CAMTA1: variants seen among roughly 807,000 people sequenced by gnomAD.
The protein encoded by CAMTA1 is calmodulin binding transcription activator 1, also known as calmodulin-binding transcription activator 1.
Under a neutral mutation model 170.9 loss-of-function variants are expected in CAMTA1, and 27 were observed. The observed-to-expected ratio is 0.16, with a 90% CI of 0.12 to 0.22. CAMTA1 has a LOEUF of 0.22. Among genes scored for constraint, CAMTA1 ranks in the 10% least tolerant of loss-of-function variants. The pLI, the probability that CAMTA1 is intolerant of heterozygous loss-of-function variation, is 1.00. For synonymous variants in CAMTA1, 833 were observed against 891.5 expected (o/e 0.93, Z 1.17); for missense variants, 1,619 against 2,217.2 (o/e 0.73, Z 5.42).
intron 3 of CAMTA1, among the ~76,000 whole-genome samples, chr1:6,868,349 CAAAAA>C (rs1301192925): frequency 4.5e-5 from 6 of 132,944 alleles, no homozygotes; most frequent in South Asian, 5.5e-4. Context: ...CAAAACAAAA[CAAAAA>C]ACGACTGTAT....
chr1:6,869,202 T>C (rs1667676412), intron 3 of CAMTA1, among the ~76,000 whole-genome samples: 2 of 152,134 alleles, frequency 1.3e-5, no homozygotes, highest in Non-Finnish European at 2.9e-5. Context: ...GAGAGGAAGA[T>C]GGATAATCTT....
intron 3 of CAMTA1, among the ~76,000 whole-genome samples, chr1:6,869,316 A>G (rs1461707426): frequency 6.6e-6 from 1 of 152,248 alleles, no homozygotes; most frequent in Non-Finnish European, 1.5e-5. Context: ...CCAGCCCTTG[A>G]TGGGGAGAGA....
At chr1:7,675,717 G>T (rs897679012) in intron 10 of CAMTA1, among the ~76,000 whole-genome samples, 23 of 152,300 alleles carry the variant, frequency 1.5e-4, no homozygotes, top group African/African-American at 5.5e-4. Context: ...TGGCGGCATG[G>T]ACTACAGCAT....
At chr1:7,706,683 T>C (rs988255552) in intron 11 of CAMTA1, among the ~76,000 whole-genome samples, 1 of 152,218 alleles carries the variant, frequency 6.6e-6, no homozygotes, top group Non-Finnish European at 1.5e-5. Flanking sequence ...ATTTCCTAAA[T>C]AAATTTAACC....
chr1:7,505,270 C>T (rs569640825), intron 6 of CAMTA1, among the ~76,000 whole-genome samples: 2 of 152,358 alleles, frequency 1.3e-5, no homozygotes, highest in South Asian at 4.1e-4. Context: ...GCAGCTGCTC[C>T]CACCACATCC....
At chr1:7,226,711 T>A (rs769504600) in intron 4 of CAMTA1, among the ~76,000 whole-genome samples, 97 of 152,352 alleles carry the variant, frequency 6.4e-4, no homozygotes, top group Non-Finnish European at 8.4e-4. Context: ...AATTTTTTTT[T>A]AAATAATGGA....
At chr1:7,193,200 A>C (rs1215839946) in intron 4 of CAMTA1, among the ~76,000 whole-genome samples, 1 of 151,958 alleles carries the variant, frequency 6.6e-6, no homozygotes, top group Non-Finnish European at 1.5e-5. Flanking sequence ...AAAAATAAAA[A>C]AATTAGCAGG....
intron 5 of CAMTA1, among the ~76,000 whole-genome samples, chr1:7,391,869 T>C (rs1342873381): frequency 2.6e-5 from 4 of 152,330 alleles, no homozygotes; most frequent in South Asian, 2.1e-4. Flanking sequence ...TGAGTGGTGT[T>C]CCATGGTGTG....
At chr1:7,581,408 C>A (rs1455136554) in intron 6 of CAMTA1, among the ~76,000 whole-genome samples, 1 of 152,360 alleles carries the variant, frequency 6.6e-6, no homozygotes, top group African/African-American at 2.4e-5. Context: ...TTACTCTGTT[C>A]CCTGGGGACA....
chr1:7,597,673 C>T (rs1203567609), intron 6 of CAMTA1, among the ~76,000 whole-genome samples: 4 of 151,992 alleles, frequency 2.6e-5, no homozygotes, highest in Admixed American at 2.0e-4. Context: ...TGTTGTAGGT[C>T]GAGTCTGAAA....
intron 22 of CAMTA1, among the ~76,000 whole-genome samples, chr1:7,761,847 A>G (rs2096978662): frequency 6.7e-6 from 1 of 150,212 alleles, no homozygotes; most frequent in African/African-American, 2.4e-5. Flanking sequence ...ATAGAAAACG[A>G]TCTAATTCAC....
At chr1:7,388,664 C>T (rs2088311048) in intron 5 of CAMTA1, among the ~76,000 whole-genome samples, 1 of 152,184 alleles carries the variant, frequency 6.6e-6, no homozygotes, top group Non-Finnish European at 1.5e-5. Flanking sequence ...CTCCTGAGTC[C>T]AGGGGGCCTG....
chr1:6,995,505 T>C (rs1470769747), intron 3 of CAMTA1, among the ~76,000 whole-genome samples: 1 of 151,992 alleles, frequency 6.6e-6, no homozygotes, highest in East Asian at 1.9e-4. Flanking sequence ...GGCTTCACCA[T>C]TTTGGCCAGG....
intron 3 of CAMTA1, among the ~76,000 whole-genome samples, chr1:7,086,890 TG>T (rs1343951313): frequency 6.6e-5 from 10 of 152,204 alleles, no homozygotes; most frequent in Non-Finnish European, 1.3e-4. Context: ...TCTGTGTTTT[TG>T]TTTGAGCACC....
At chr1:7,755,498 C>A (rs1307013341) in intron 21 of CAMTA1, 140 bp from the exon 22 acceptor site, 1 of 689,434 alleles carries the variant, frequency 1.5e-6, no homozygotes, top group African/African-American at 1.8e-5. Flanking sequence ...TTTCACGTAC[C>A]CCACCATCAC....
intron 5 of CAMTA1, among the ~76,000 whole-genome samples, chr1:7,283,872 G>C (rs559862518): frequency 1.3e-5 from 2 of 152,146 alleles, no homozygotes; most frequent in African/African-American, 2.4e-5. Context: ...TGCTGCAGCT[G>C]AGGGGTCTTT....
At chr1:6,909,725 C>T (rs2149263760) in intron 3 of CAMTA1, among the ~76,000 whole-genome samples, 1 of 152,356 alleles carries the variant, frequency 6.6e-6, no homozygotes, top group South Asian at 2.1e-4. Context: ...CAGCTCTGTC[C>T]TGGACTGATT....
At chr1:7,594,932 T>G (rs570278628) in intron 6 of CAMTA1, among the ~76,000 whole-genome samples, 1 of 152,132 alleles carries the variant, frequency 6.6e-6, no homozygotes, top group South Asian at 2.1e-4. Context: ...GGGTTCGGAA[T>G]TGGTGAAGTT....
rs546264285 is a variant in CAMTA1 at position 7,396,038 on chromosome 1, C to A, written c.439-71792C>A. ...GGGATGTTATGGTTTGGATATTTGA[C>A]CCCTCCAAAGCTCATATTGAAATTT... On this transcript the variant is annotated intron_variant, in intron 5 of 22. Coordinates refer to ENST00000303635, the MANE Select transcript of CAMTA1 (RefSeq NM_015215.4). Among the ~76,000 whole-genome samples, 7 of 152,184 alleles carry A rather than the reference C, an allele frequency of 4.6e-5. No individual in the cohort carries two copies. The Middle Eastern group carries it at 0.02, about 444-fold the overall frequency.
Sources: gnomAD v4.1 joint callset for allele counts (sites outside exome capture counted in the v4.1 genomes callset) on GRCh38, gnomAD v4.1.1 for gene constraint, MANE v1.5 for transcripts, NCBI Gene and HGNC (gene_info 2026-07-23, HGNC 2026-07-21) for gene names.